The following ENPP6 variants were observed in gnomAD, a reference collection of about 807,000 sequenced individuals.
The protein encoded by ENPP6 is glycerophosphocholine cholinephosphodiesterase ENPP6.
ENPP6 carries 32 observed loss-of-function variants against 42.0 expected under a neutral mutation model. The observed-to-expected ratio is 0.76, with a 90% CI of 0.58 to 1.02. The LOEUF (loss-of-function observed/expected upper bound fraction) is 1.02, where lower values mean the gene tolerates loss of function less well. ENPP6 is among the 50% of genes least tolerant of loss of function. The probability of loss-of-function intolerance (pLI) is 0.00; values close to 1 mark genes in which losing one functional copy is unlikely to be tolerated. For synonymous variants in ENPP6, 213 were observed against 216.0 expected (o/e 0.99, Z 0.12); for missense variants, 552 against 566.8 (o/e 0.97, Z 0.27).
At chr4:184,153,880 A>ATT (rs35344477) in intron 1 of ENPP6, 147 bp from the exon 2 acceptor site, 3,258 of 825,644 alleles carry the variant, frequency 3.9e-3, no homozygotes, top group Non-Finnish European at 4.4e-3. Context: ...AAAAAATCAG[A>ATT]TTTTTTTTTC....
At chr4:184,123,904 T>C (rs1736459452) in intron 3 of ENPP6, among the ~76,000 whole-genome samples, 1 of 152,208 alleles carries the variant, frequency 6.6e-6, no homozygotes, top group Non-Finnish European at 1.5e-5. Flanking sequence ...TTCTCCGTTG[T>C]TTAACAACAT....
At chr4:184,146,023 C>CTT (rs70959175) in intron 2 of ENPP6, among the ~76,000 whole-genome samples, 7,616 of 141,916 alleles carry the variant, frequency 0.054, 241 homozygotes, top group Middle Eastern at 0.092. Context: ...TTTTCTTTTT[C>CTT]TTTTTTTTTT....
At chr4:184,147,293 G>C (rs1337846301) in intron 2 of ENPP6, among the ~76,000 whole-genome samples, 1 of 152,122 alleles carries the variant, frequency 6.6e-6, no homozygotes, top group Non-Finnish European at 1.5e-5. Flanking sequence ...CTGTTGCCCA[G>C]TCTGAGCGAT....
At chr4:184,105,085 G>A (rs567706008) in intron 6 of ENPP6, among the ~76,000 whole-genome samples, 5 of 152,264 alleles carry the variant, frequency 3.3e-5, no homozygotes, top group East Asian at 1.9e-4. Flanking sequence ...TTACTTGGGC[G>A]AGCACGGTTA....
At position 184,124,213 on chromosome 4, in the gene ENPP6, G is replaced by A; in HGVS notation, c.481C>T (p.Pro161Ser). 6.2e-7 allele frequency: 1 copy of A among 1,614,018 alleles called. No individual in the cohort carries two copies. The highest frequency in any genetic ancestry group is 8.5e-7 in the Non-Finnish European group (1 of 1,179,976). Residue 161 changes from proline to serine, a missense_variant, in exon 3 of 8, where the codon CCA (proline) becomes TCA (serine). This residue lies in a region of ENPP6 where 545 missense variants were observed against 546.3 expected (regional missense o/e 1.00). Transcript: ENST00000296741. The part of the protein sequence containing the change: ...PTYCLEYKNV[P>S]TDINFANAVS... Reference sequence around the variant, plus strand: ...GCATTGGCAAAATTGATATCCGTTGGGACATTTTTATATTCTAGGCAGTAG... The same window carrying A: ...GCATTGGCAAAATTGATATCCGTTGAGACATTTTTATATTCTAGGCAGTAG...
intron 1 of ENPP6, among the ~76,000 whole-genome samples, chr4:184,214,243 TA>T (rs924058998): frequency 1.1e-3 from 153 of 142,678 alleles, no homozygotes; most frequent in South Asian, 2.7e-3. Context: ...AGTATAATAA[TA>T]AAAAAAAAAA....
intron 1 of ENPP6, among the ~76,000 whole-genome samples, chr4:184,178,738 A>G (rs1732492907): frequency 6.6e-6 from 1 of 152,244 alleles, no homozygotes. Context: ...TCTTAAAGAA[A>G]AGAATTTCAA....
chr4:184,134,036 A>G (rs1281854697), intron 2 of ENPP6, among the ~76,000 whole-genome samples: 1 of 151,956 alleles, frequency 6.6e-6, no homozygotes, highest in African/African-American at 2.4e-5. Flanking sequence ...TAATTTTTCT[A>G]TCTATGTTCA....
At chr4:184,178,500 C>A (rs1732489442) in intron 1 of ENPP6, among the ~76,000 whole-genome samples, 1 of 152,130 alleles carries the variant, frequency 6.6e-6, no homozygotes, top group Non-Finnish European at 1.5e-5. Context: ...GGCCAGCATT[C>A]AAATTCAGGA....
chr4:184,216,138 T>C (rs1733191155), intron 1 of ENPP6, among the ~76,000 whole-genome samples: 2 of 152,204 alleles, frequency 1.3e-5, no homozygotes, highest in Admixed American at 1.3e-4. Context: ...GGGGGTGGGC[T>C]GTGTGTGTGA....
chr4:184,106,929 T>C (rs113426280), intron 6 of ENPP6, among the ~76,000 whole-genome samples: 3,901 of 152,308 alleles, frequency 0.026, 151 homozygotes, highest in African/African-American at 0.079. Flanking sequence ...AAGAGCGTGC[T>C]TGAGTCTGCT....
At chr4:184,145,508 C>T (rs1346577934) in intron 2 of ENPP6, among the ~76,000 whole-genome samples, 6 of 152,208 alleles carry the variant, frequency 3.9e-5, no homozygotes, top group Non-Finnish European at 7.3e-5. Context: ...GCCCGCTGCA[C>T]GCGTTGTGCT....
intron 1 of ENPP6, among the ~76,000 whole-genome samples, chr4:184,154,868 T>A (rs1307404084): frequency 6.6e-6 from 1 of 152,222 alleles, no homozygotes; most frequent in Non-Finnish European, 1.5e-5. Flanking sequence ...TGTTGAGCAA[T>A]TTTGGCAATG....
chr4:184,144,250 C>T (rs781257224), intron 2 of ENPP6, among the ~76,000 whole-genome samples: 24 of 152,192 alleles, frequency 1.6e-4, no homozygotes, highest in African/African-American at 4.3e-4. Context: ...GAGCCCTCTT[C>T]GTTACTTTGC....
intron 3 of ENPP6, 152 bp downstream of exon 3, chr4:184,124,009 C>A (rs1736460432): frequency 6.1e-6 from 3 of 492,698 alleles, no homozygotes; most frequent in Non-Finnish European, 1.1e-5. Flanking sequence ...CACAATTACT[C>A]CCTACTAGCA....
chr4:184,144,971 C>T (rs908849229), intron 2 of ENPP6, among the ~76,000 whole-genome samples: 2 of 152,326 alleles, frequency 1.3e-5, no homozygotes, highest in African/African-American at 4.8e-5. Context: ...ATCAGGTCAG[C>T]GGAGGACAGA....
intron 1 of ENPP6, among the ~76,000 whole-genome samples, chr4:184,183,387 A>G (rs547121737): frequency 2.0e-5 from 3 of 152,364 alleles, no homozygotes; most frequent in Admixed American, 6.5e-5. Context: ...CACCATTGAC[A>G]GGTATGTTAA....
At chr4:184,193,921 T>C (rs115654022) in intron 1 of ENPP6, among the ~76,000 whole-genome samples, 1 of 152,218 alleles carries the variant, frequency 6.6e-6, no homozygotes, top group Non-Finnish European at 1.5e-5. Flanking sequence ...AGTTTGATGC[T>C]ACTGACTTTC....
chr4:184,111,580 C>T (rs1318268450), intron 6 of ENPP6, among the ~76,000 whole-genome samples: 1 of 152,208 alleles, frequency 6.6e-6, no homozygotes, highest in East Asian at 1.9e-4. Context: ...ACCTTGTAAA[C>T]CACGTGGCAG....
Sources: allele counts gnomAD v4.1 joint callset (sites outside exome capture counted in the v4.1 genomes callset), GRCh38; gene constraint gnomAD v4.1.1; regional missense constraint gnomAD v4.1.1; transcripts MANE v1.5; gene names NCBI Gene and HGNC (gene_info 2026-07-23, HGNC 2026-07-21).